The following UBOX5 variants were observed in gnomAD, a reference collection of about 807,000 sequenced individuals.
The protein encoded by UBOX5 is U-box domain containing 5.
Under a neutral mutation model 39.0 loss-of-function variants are expected in UBOX5, and 28 were observed. The observed-to-expected ratio is 0.72, with a 90% CI of 0.53 to 0.98. UBOX5 has a LOEUF of 0.98. Ranked by LOEUF, UBOX5 falls within the 50% of genes least tolerant of loss-of-function variation. The probability of loss-of-function intolerance (pLI) is 0.00; values close to 1 mark genes in which losing one functional copy is unlikely to be tolerated. For missense variants in UBOX5, 585 were observed against 674.4 expected, an observed-to-expected ratio of 0.87 and a Z score of 1.47; for synonymous variants, 283 against 275.5, an observed-to-expected ratio of 1.03 and a Z score of -0.27.
intron 1 of UBOX5, among the ~76,000 whole-genome samples, chr20:3,125,921 G>A (rs949032398): frequency 3.3e-5 from 5 of 151,942 alleles, no homozygotes; most frequent in South Asian, 2.1e-4. Context: ...CAGCCGCCCC[G>A]TCTGGGAAGT....
chr20:3,122,706 C>A, intron 2 of UBOX5, 122 bp from the exon 3 acceptor site: 1 of 1,326,736 alleles, frequency 7.5e-7, no homozygotes, highest in Non-Finnish European at 1.0e-6. Flanking sequence ...TGAATTGTCC[C>A]AGATCAGGGC....
chr20:3,157,690 TC>T (rs1414277124), intron 1 of UBOX5, among the ~76,000 whole-genome samples: 1 of 152,166 alleles, frequency 6.6e-6, no homozygotes, highest in East Asian at 1.9e-4. Flanking sequence ...AAATGGGGCT[TC>T]TAGAGGAATT....
intron 4 of UBOX5, among the ~76,000 whole-genome samples, chr20:3,111,158 G>A (rs928260918): frequency 1.6e-4 from 24 of 152,284 alleles, no homozygotes; most frequent in Admixed American, 1.3e-3. Flanking sequence ...CTGCACCCAC[G>A]GCTCTTCCTT....
Position 3,121,716 on chromosome 20 carries a change from G to A in UBOX5, c.923C>T (p.Thr308Met), listed in dbSNP as rs2066338118. The A allele has an allele frequency of 3.7e-6, 6 of 1,614,034 alleles. No individual in the cohort carries two copies. Among genetic ancestry groups the A allele is most frequent in the South Asian group, 1.1e-5 (1 of 91,070 alleles). ...TWGRVPSDPF[T>M]GVAFTPHSQP... The stretch of plus-strand genomic sequence containing the variant: ...AGAGTGCGGAGTAAAAGCTACCCCC[G>A]TGAAAGGGTCACTGGGCACTCGGCC... The change falls in exon 3 of 5, where the codon ACG becomes ATG. Residue 308 changes from threonine (T) to methionine (M), a missense_variant. Coordinates refer to ENST00000217173, the MANE Select transcript of UBOX5 (RefSeq NM_014948.4).
intron 1 of UBOX5, among the ~76,000 whole-genome samples, chr20:3,135,414 G>T (rs1242264395): frequency 6.6e-6 from 1 of 152,150 alleles, no homozygotes; most frequent in Non-Finnish European, 1.5e-5. Context: ...GAAGTGTGAG[G>T]CTGGTTCAGG....
At chr20:3,143,401 T>A (rs1244104293) in intron 1 of UBOX5, among the ~76,000 whole-genome samples, 3 of 151,964 alleles carry the variant, frequency 2.0e-5, no homozygotes, top group African/African-American at 7.3e-5. Flanking sequence ...CATGCCTGAT[T>A]AATCATCTGT....
chr20:3,125,534 T>C (rs1373150462), intron 1 of UBOX5, among the ~76,000 whole-genome samples: 2 of 78,448 alleles, frequency 2.5e-5, no homozygotes, highest in Non-Finnish European at 4.8e-5. Context: ...CGGCCACCCA[T>C]CGTCTGGGAG....
At chr20:3,115,753 C>CTTTTTT (rs11481933) in intron 3 of UBOX5, among the ~76,000 whole-genome samples, 13 of 87,964 alleles carry the variant, frequency 1.5e-4, no homozygotes, top group East Asian at 3.9e-4. Context: ...CTGCACGCTC[C>CTTTTTT]TTTTTTTTTT....
chr20:3,115,075 G>A (rs955042565), intron 4 of UBOX5, among the ~76,000 whole-genome samples: 4 of 152,284 alleles, frequency 2.6e-5, no homozygotes, highest in African/African-American at 7.2e-5. Context: ...GAATTACTAA[G>A]GATTGACTAA....
intron 3 of UBOX5, among the ~76,000 whole-genome samples, chr20:3,118,414 G>C (rs2066309783): frequency 6.6e-6 from 1 of 150,956 alleles, no homozygotes; most frequent in Non-Finnish European, 1.5e-5. Flanking sequence ...AGAGGTTGCA[G>C]TGAGCCAAGA....
intron 1 of UBOX5, chr20:3,147,943 C>T (rs772719687): frequency 1.8e-5 from 29 of 1,614,256 alleles, no homozygotes; most frequent in Non-Finnish European, 2.5e-5. Flanking sequence ...TCTCTCCAAT[C>T]TGCTTCATGA....
In UBOX5 at chr20:3,122,245, T is replaced by G. The variant is rs140714335; in HGVS notation, c.394A>C (p.Ser132Arg). Residue 132 changes from serine (S) to arginine (R), a missense_variant, in exon 3 of 5, where the codon AGC (serine) becomes CGC (arginine). Physicochemically the swap from Ser to Arg is moderately radical, Grantham distance 110. Coordinates refer to ENST00000217173, the MANE Select transcript of UBOX5 (RefSeq NM_014948.4). The part of the protein sequence containing the change: ...LLKNQSQVVF[S>R]HRGFKARPPF... The stretch of plus-strand genomic sequence containing the variant: ...GGCCTGGCCTTGAAGCCCCTGTGGC[T>G]AAACACCACTTGGCTCTGGTTTTTC... The G allele has an allele frequency of 3.1e-6, 5 of 1,614,228 alleles. No individual in the cohort carries two copies. In the African/African-American group the frequency reaches 6.7e-5, roughly 22 times the overall value.
At chr20:3,142,421 C>T (rs537836389) in intron 1 of UBOX5, among the ~76,000 whole-genome samples, 16 of 151,822 alleles carry the variant, frequency 1.1e-4, no homozygotes, top group South Asian at 6.2e-4. Flanking sequence ...GCCAATTTGG[C>T]GAAACACTGT....
chr20:3,147,248 G>A (rs746438196), intron 1 of UBOX5: 18 of 1,614,208 alleles, frequency 1.1e-5, no homozygotes, highest in South Asian at 3.3e-5. Flanking sequence ...TTCAGCCGGC[G>A]TGGCTTCTCT....
intron 1 of UBOX5, among the ~76,000 whole-genome samples, chr20:3,135,492 C>T (rs1271259668): frequency 2.0e-5 from 3 of 150,970 alleles, no homozygotes; most frequent in Non-Finnish European, 2.9e-5. Flanking sequence ...CAAACGGAGC[C>T]GGATGAGGAA....
chr20:3,143,096 T>C (rs796317233), intron 1 of UBOX5, among the ~76,000 whole-genome samples: 1 of 128,028 alleles, frequency 7.8e-6, no homozygotes, highest in Non-Finnish European at 1.6e-5. Context: ...TAATCATCTG[T>C]CTTTTTTTTT....
chr20:3,121,336 G>A (rs375079968), intron 3 of UBOX5, 48 bp downstream of exon 3: 2 of 1,564,700 alleles, frequency 1.3e-6, no homozygotes, highest in Non-Finnish European at 1.7e-6. Context: ...GAGAGCTCCT[G>A]GGAAGGAGAT....
intron 1 of UBOX5, among the ~76,000 whole-genome samples, chr20:3,159,343 A>C (rs938933453): frequency 6.6e-6 from 1 of 152,134 alleles, no homozygotes; most frequent in East Asian, 1.9e-4. Context: ...CCTCGTCTGG[A>C]ATCTAGTTAG....
intron 1 of UBOX5, 86 bp downstream of exon 1, chr20:3,159,671 CGGCCGGGAG>C (rs1290817917): frequency 3.3e-5 from 5 of 152,318 alleles, no homozygotes; most frequent in Non-Finnish European, 7.3e-5. Context: ...AGCTCTGGGC[CGGCCGGGAG>C]GACAGGAGGC....
Sources: allele counts gnomAD v4.1 joint callset (sites outside exome capture counted in the v4.1 genomes callset), GRCh38; gene constraint gnomAD v4.1.1; transcripts MANE v1.5; gene names NCBI Gene and HGNC (gene_info 2026-07-23, HGNC 2026-07-21).